The following ZBBX variants were observed in gnomAD, a reference collection of about 807,000 sequenced individuals.
The protein encoded by ZBBX is zinc finger B-box domain-containing protein 1.
In ZBBX, 101 loss-of-function variants were observed where a neutral mutation model predicts 108.5. The observed-to-expected ratio is 0.93, with a 90% CI of 0.79 to 1.10. ZBBX has a LOEUF of 1.10. ZBBX is among the 50% of genes least tolerant of loss of function. The pLI, the probability that ZBBX is intolerant of heterozygous loss-of-function variation, is 0.00. For synonymous variants in ZBBX, 356 were observed against 323.4 expected, an observed-to-expected ratio of 1.10 and a Z score of -1.08; for missense variants, 1,009 against 941.4, an observed-to-expected ratio of 1.07 and a Z score of -0.94.
chr3:167,402,630 T>C (rs1418449339), intron 1 of ZBBX, among the ~76,000 whole-genome samples: 2 of 151,870 alleles, frequency 1.3e-5, no homozygotes, highest in African/African-American at 4.8e-5. Context: ...CCACAGATGA[T>C]CCAGATACTG....
At chr3:167,181,467 C>T in the ZBBX span, among the ~76,000 whole-genome samples, 1 of 152,172 alleles carries the variant, frequency 6.6e-6, no homozygotes, top group Non-Finnish European at 1.5e-5. Context: ...GTTGAATTGA[C>T]CATGCGGAAG....
chr3:167,356,342 C>T (rs760825034), intron 8 of ZBBX, among the ~76,000 whole-genome samples: 5 of 151,738 alleles, frequency 3.3e-5, no homozygotes, highest in Admixed American at 1.3e-4. Context: ...CTACCAAGAG[C>T]GGGGGTTTTA....
the ZBBX span, among the ~76,000 whole-genome samples, chr3:167,212,740 C>T: frequency 0.012 from 1,791 of 152,214 alleles, 91 homozygotes; most frequent in Admixed American, 0.087. Flanking sequence ...TCCAGAAGTG[C>T]CAAGTCATGA....
intron 16 of ZBBX, among the ~76,000 whole-genome samples, chr3:167,306,323 T>G (rs927633846): frequency 6.6e-6 from 1 of 152,164 alleles, no homozygotes; most frequent in African/African-American, 2.4e-5. Context: ...GGGGGAACAT[T>G]TTTTCATTTT....
chr3:167,331,383 C>A (rs1444130390), intron 10 of ZBBX, among the ~76,000 whole-genome samples: 1 of 152,044 alleles, frequency 6.6e-6, no homozygotes, highest in Non-Finnish European at 1.5e-5. Flanking sequence ...ATCCAGTAAG[C>A]AATATGTCAG....
chr3:167,384,133 T>C (rs558275337), upstream of ZBBX, among the ~76,000 whole-genome samples: 1 of 152,192 alleles, frequency 6.6e-6, no homozygotes, highest in Non-Finnish European at 1.5e-5. Flanking sequence ...TCAGTATGTG[T>C]ATAGCCGCAT....
chr3:167,336,653 T>C (rs1390994539), intron 9 of ZBBX, among the ~76,000 whole-genome samples: 1 of 152,188 alleles, frequency 6.6e-6, no homozygotes, highest in Non-Finnish European at 1.5e-5. Flanking sequence ...ACTAGATTTA[T>C]GTTAGTCTTT....
At chr3:167,261,757 C>T (rs1724569656) in intron 20 of ZBBX, among the ~76,000 whole-genome samples, 1 of 133,414 alleles carries the variant, frequency 7.5e-6, no homozygotes, top group African/African-American at 2.9e-5. Context: ...TTGTCCCAGG[C>T]TACCCGCCTC....
rs200704659 is a variant in ZBBX, at chr3:167,246,794, GT to G, written c.2255-4152del. 8.9e-3 allele frequency among the ~76,000 whole-genome samples: 1,352 copies of G among 152,288 alleles called. 26 individuals are homozygous for G. Among genetic ancestry groups the G allele is most frequent in the African/African-American group, 0.031 (1,276 of 41,552 alleles). On this transcript the variant is annotated intron_variant, in intron 20 of 21. Coordinates refer to ENST00000675490, the MANE Select transcript of ZBBX (RefSeq NM_001199201.2). ...CTTTATAAGTAAGTTATACCAATAT[GT>G]TAAGCTCATCAAGGAAGTAGTTATA...
At position 167,359,986 on chromosome 3, in the gene ZBBX, G is replaced by C; in HGVS notation, c.323-7C>G. The C allele has an allele frequency of 6.7e-7, 1 of 1,500,328 alleles. No homozygotes were observed. Among genetic ancestry groups the C allele is most frequent in the Non-Finnish European group, 9.1e-7 (1 of 1,099,886 alleles). 92.9% of individuals were successfully genotyped at this position (1,500,328 alleles called of 1,614,324 possible). A position where few individuals can be genotyped will look rare whatever the true frequency, so the allele number is the denominator to read the frequency against. On this transcript the variant is annotated splice_region_variant and splice_polypyrimidine_tract_variant and intron_variant, in intron 7 of 21. Transcript: ENST00000675490. ...ACTGTTGGTTTCACTGGCTCTGCAA[G>C]ATAAAAAATAATATTACTCCAATCA...
At chr3:167,274,010 T>A (rs1727028774) in intron 20 of ZBBX, among the ~76,000 whole-genome samples, 1 of 152,194 alleles carries the variant, frequency 6.6e-6, no homozygotes, top group African/African-American at 2.4e-5. Context: ...AGTTGAGCAA[T>A]TAGGACCTAC....
At chr3:167,282,065 T>A (rs192163141) in intron 20 of ZBBX, among the ~76,000 whole-genome samples, 173 bp downstream of exon 20, 5 of 152,268 alleles carry the variant, frequency 3.3e-5, no homozygotes, top group Admixed American at 6.5e-5. Flanking sequence ...TTTAAACATA[T>A]TCAGAGTGAT....
chr3:167,366,654 C>T (rs1745365303), intron 5 of ZBBX, among the ~76,000 whole-genome samples: 1 of 151,918 alleles, frequency 6.6e-6, no homozygotes, highest in Admixed American at 6.6e-5. Flanking sequence ...GGCAGGTTCT[C>T]ATTCTGGCTA....
chr3:167,333,898 T>TA lies in ZBBX; in HGVS notation c.615dup (p.Asn206Ter), dbSNP rs1560141666. On this transcript the variant is annotated frameshift_variant, in exon 10 of 22. Coordinates refer to ENST00000675490, the MANE Select transcript of ZBBX (RefSeq NM_001199201.2). LOFTEE classifies it high-confidence loss of function. ...ATTTTACTGGTTTCCTTTGTAGAAT[T>TA]ATTCTCCTCTTTGGGTTCATCTGGA... 6.2e-7 allele frequency: 1 copy of TA among 1,612,944 alleles called. No homozygotes were observed. Among genetic ancestry groups the TA allele is most frequent in the East Asian group, 2.2e-5 (1 of 44,744 alleles).
At chr3:167,297,650 T>A (rs1221138553) in intron 18 of ZBBX, among the ~76,000 whole-genome samples, 1 of 151,694 alleles carries the variant, frequency 6.6e-6, no homozygotes, top group Non-Finnish European at 1.5e-5. Flanking sequence ...AGAAGCAGTA[T>A]CCAGAATATA....
intron 20 of ZBBX, among the ~76,000 whole-genome samples, chr3:167,267,675 T>C (rs1313067805): frequency 6.6e-6 from 1 of 152,190 alleles, no homozygotes; most frequent in Non-Finnish European, 1.5e-5. Context: ...TAATTCAACA[T>C]GTAAATGATA....
the ZBBX span, among the ~76,000 whole-genome samples, chr3:167,217,390 G>C: frequency 2.6e-5 from 4 of 152,124 alleles, no homozygotes; most frequent in Admixed American, 2.6e-4. Context: ...GATCATTAGA[G>C]AAATGCAAAT....
chr3:167,314,441 A>C (rs1229770869), intron 15 of ZBBX, among the ~76,000 whole-genome samples: 6 of 152,168 alleles, frequency 3.9e-5, no homozygotes, highest in Non-Finnish European at 8.8e-5. Flanking sequence ...TTTCAAGCTC[A>C]TTAAAATCTG....
intron 18 of ZBBX, among the ~76,000 whole-genome samples, chr3:167,293,333 C>T (rs981328233): frequency 6.6e-6 from 1 of 152,182 alleles, no homozygotes; most frequent in Non-Finnish European, 1.5e-5. Flanking sequence ...AGTAGCACAT[C>T]AAAAAGTTTA....
Sources: allele counts gnomAD v4.1 joint callset (sites outside exome capture counted in the v4.1 genomes callset), GRCh38; gene constraint gnomAD v4.1.1; transcripts MANE v1.5; gene names NCBI Gene and HGNC (gene_info 2026-07-23, HGNC 2026-07-21).